Variants in ZNF106 observed in about 807,000 individuals in gnomAD.
ZNF106 encodes zinc finger protein 106.
A neutral mutation model predicts 195.1 loss-of-function variants in ZNF106; 67 were observed. The observed-to-expected ratio is 0.34, with a 90% CI of 0.28 to 0.42. ZNF106 has a LOEUF of 0.42. ZNF106 is among the 10% of genes least tolerant of loss of function. The pLI is 1.00. For missense variants in ZNF106, 2,118 were observed against 2,304.5 expected (o/e 0.92, Z 1.66); for synonymous variants, 784 against 818.6 (o/e 0.96, Z 0.72).
rs1037638209 is a variant in ZNF106 at position 42,449,812 on chromosome 15, T to C, written c.2460A>G (p.Gln820=). The C allele has an allele frequency of 1.2e-6, 2 of 1,614,198 alleles. No homozygotes were observed. The highest frequency in any genetic ancestry group is 2.2e-5 in the East Asian group (1 of 44,884). ...RNVNWEQVIQ[Q]VTKKKQELGK... Reference sequence around the variant, plus strand: ...CCAGCTCTTGCTTTTTCTTGGTTACTTGCTGAATGACCTGTTCCCAGTTGA... The same window carrying C: ...CCAGCTCTTGCTTTTTCTTGGTTACCTGCTGAATGACCTGTTCCCAGTTGA... Residue 820 remains glutamine (Q), a synonymous_variant, in exon 5 of 22, where the codon CAA becomes CAG. Coordinates refer to ENST00000564754, the MANE Select transcript of ZNF106 (RefSeq NM_001366845.3).
chr15:42,468,105 T>G (rs1003604519), intron 2 of ZNF106, among the ~76,000 whole-genome samples: 6 of 138,560 alleles, frequency 4.3e-5, no homozygotes, highest in African/African-American at 1.7e-4. Context: ...AGACGGAGTC[T>G]CGCTCTATCG....
At chr15:42,427,589 T>C (rs1422523193) in intron 15 of ZNF106, 1 of 155,232 alleles carries the variant, frequency 6.4e-6, no homozygotes, top group Non-Finnish European at 1.4e-5. Context: ...CTTCATTTTT[T>C]TTAAAATATG....
Position 42,449,963 on chromosome 15 carries a change from G to A in ZNF106, c.2309C>T (p.Pro770Leu). The A allele has an allele frequency of 6.2e-7, 1 of 1,614,180 alleles. No individual in the cohort carries two copies. Among genetic ancestry groups the A allele is most frequent in the Non-Finnish European group, 8.5e-7 (1 of 1,180,026 alleles). ...GCGGGCACTATTGAGGTTTGGCTCA[G>A]GAAGGTGTACTCCAGTTTTGCTCTT... ...SLKSKTGVHL[P>L]EPNLNSARRI... is the part of the protein sequence containing the mutation. Residue 770 changes from proline to leucine, a missense_variant, in exon 5 of 22, where the codon CCT becomes CTT. Coordinates refer to ENST00000564754, the MANE Select transcript of ZNF106 (RefSeq NM_001366845.3).
At chr15:42,467,280 T>C (rs2056542496) in intron 2 of ZNF106, among the ~76,000 whole-genome samples, 1 of 152,194 alleles carries the variant, frequency 6.6e-6, no homozygotes. Flanking sequence ...TATATAATAA[T>C]AAAGGGCTAC....
At chr15:42,455,813 A>C (rs923753316) in intron 4 of ZNF106, among the ~76,000 whole-genome samples, 2 of 152,216 alleles carry the variant, frequency 1.3e-5, no homozygotes, top group Non-Finnish European at 2.9e-5. Flanking sequence ...TTAGAATCTG[A>C]AATGATTCTC....
rs541354564 is a variant in ZNF106, at chr15:42,481,978, G to T, written c.-33+9002C>A. Among the ~76,000 whole-genome samples the T allele has an allele frequency of 1.2e-4, 19 of 152,056 alleles. No individual in the cohort carries two copies. In the South Asian group the frequency reaches 3.7e-3, roughly 30 times the overall value. On this transcript the variant is annotated intron_variant, in intron 1 of 21. Coordinates refer to ENST00000564754, the MANE Select transcript of ZNF106 (RefSeq NM_001366845.3). ...CCCAGATTTCAATTAAATGTGCTAG[G>T]TTTTTAAAATATTGATCCCAGGTCA... is the stretch of plus-strand genomic sequence containing the variant.
intron 17 of ZNF106, among the ~76,000 whole-genome samples, chr15:42,423,109 T>C (rs993137904): frequency 2.0e-5 from 3 of 152,082 alleles, no homozygotes; most frequent in African/African-American, 7.2e-5. Context: ...GGCTCACACC[T>C]ATAATTCCAA....
intron 20 of ZNF106, 27 bp downstream of exon 20, chr15:42,421,034 A>T: frequency 6.2e-7 from 1 of 1,609,804 alleles, no homozygotes. Flanking sequence ...ATAGAAGTCC[A>T]GTGACAGGAA....
chr15:42,440,995 AAAAATATATATATATATATATATAT>A lies in ZNF106; in HGVS notation c.3763+1053_3763+1077del, dbSNP rs1367847914. 6.5e-4 allele frequency among the ~76,000 whole-genome samples: 34 copies of A among 52,062 alleles called. 2 individuals are homozygous for A. Among genetic ancestry groups the A allele is most frequent in the African/African-American group, 1.0e-3 (7 of 6,960 alleles). The allele number at this position is 52,062 out of a possible 152,430, so 34.2% of individuals were successfully genotyped here. On this transcript the variant is annotated intron_variant, in intron 10 of 21. Coordinates refer to ENST00000564754, the MANE Select transcript of ZNF106 (RefSeq NM_001366845.3). Reference sequence around the variant, plus strand: ...GCGAAACTCTGTCTAAAAAAAAAAAAAAAATATATATATATATATATATATATATATATATATATATATATATATA... The same window carrying A: ...GCGAAACTCTGTCTAAAAAAAAAAAAATATATATATATATATATATATATA...
At chr15:42,478,032 T>A (rs1051029417) in intron 1 of ZNF106, among the ~76,000 whole-genome samples, 23 of 151,766 alleles carry the variant, frequency 1.5e-4, no homozygotes, top group East Asian at 1.9e-4. Context: ...CAGGCTGGAG[T>A]GCAGTGGTGC....
chr15:42,467,514 G>A (rs950564806), intron 2 of ZNF106, among the ~76,000 whole-genome samples: 14 of 152,122 alleles, frequency 9.2e-5, no homozygotes, highest in African/African-American at 2.7e-4. Flanking sequence ...AGTCTTGGCC[G>A]GGCACAGTGG....
chr15:42,433,084 C>A (rs548887935), intron 14 of ZNF106, among the ~76,000 whole-genome samples: 46 of 152,154 alleles, frequency 3.0e-4, no homozygotes, highest in African/African-American at 1.0e-3. Flanking sequence ...TCTACCTTCT[C>A]TTGTATTAAG....
chr15:42,424,945 T>G lies in ZNF106; in HGVS notation c.5079A>C (p.Arg1693=), dbSNP rs189278876. Residue 1693 remains arginine, a synonymous_variant, in exon 16 of 22, where the codon CGA becomes CGC. Transcript: ENST00000564754. ...SCLATAQEGA[R]KLLVVGSYDC... ...CATAAGACCCCACGACCAGCAGTTT[T>G]CGGGCACCTTCCTGAGCTGTAGCAA... 8 of 1,614,192 alleles carry G rather than the reference T, an allele frequency of 5.0e-6. No homozygotes were observed. In the East Asian group the frequency reaches 1.3e-4, roughly 27 times the overall value.
intron 19 of ZNF106, 149 bp downstream of exon 19, chr15:42,421,768 G>T: frequency 1.9e-6 from 1 of 522,400 alleles, no homozygotes; most frequent in Non-Finnish European, 3.3e-6. Flanking sequence ...ATTCAACACT[G>T]TCCCCTGGTT....
intron 12 of ZNF106, among the ~76,000 whole-genome samples, 165 bp downstream of exon 12, chr15:42,438,447 G>T (rs1353651568): frequency 1.3e-5 from 2 of 152,092 alleles, no homozygotes; most frequent in East Asian, 3.9e-4. Context: ...AGGATTTGAG[G>T]TTTTAAGAAT....
chr15:42,451,938 T>C lies in ZNF106; in HGVS notation c.334A>G (p.Asn112Asp), dbSNP rs2056047948. The stretch of plus-strand genomic sequence containing the variant: ...TCAGAGTTTATTTCTTGGTTGCTAT[T>C]GGAAGGTTCATCTTGTCTGGAAGAA... ...KEQSRQDEPS[N>D]SNQEINSDDR... is the part of the protein sequence containing the mutation. The change falls in exon 5 of 22, where the codon AAT becomes GAT. Residue 112 changes from asparagine to aspartate, a missense_variant. Asn to Asp is a conservative substitution (Grantham distance 23). Coordinates refer to ENST00000564754, the MANE Select transcript of ZNF106 (RefSeq NM_001366845.3). The C allele has an allele frequency of 1.2e-6, 2 of 1,610,068 alleles. No individual in the cohort carries two copies. Among genetic ancestry groups the C allele is most frequent in the African/African-American group, 2.7e-5 (2 of 74,782 alleles).
At chr15:42,457,628 A>G (rs902227215) in intron 3 of ZNF106, 4 of 765,156 alleles carry the variant, frequency 5.2e-6, no homozygotes, top group Non-Finnish European at 6.4e-6. Context: ...TGGCGCAGCC[A>G]ATCCCAAGTC....
Position 42,467,681 on chromosome 15 carries a change from G to A in ZNF106, c.55-1567C>T, listed in dbSNP as rs946488108. Reference sequence around the variant, plus strand: ...ACCACTAACTGGGCTGGTGGTGAACGCCTGTAATCCCAGCTACTTGGGAGG... The same window carrying A: ...ACCACTAACTGGGCTGGTGGTGAACACCTGTAATCCCAGCTACTTGGGAGG... On this transcript the variant is annotated intron_variant, in intron 2 of 21. Transcript: ENST00000564754. 8.5e-5 allele frequency among the ~76,000 whole-genome samples: 13 copies of A among 152,056 alleles called. 1 individual carries two copies. Among genetic ancestry groups the A allele is most frequent in the Admixed American group, 3.9e-4 (6 of 15,270 alleles).
intron 1 of ZNF106, among the ~76,000 whole-genome samples, chr15:42,477,899 CA>C (rs112291423): frequency 6.8e-6 from 1 of 147,562 alleles, no homozygotes; most frequent in Non-Finnish European, 1.5e-5. Context: ...TCAAAAAAAA[CA>C]AAAAAAAACA....
Sources: gnomAD v4.1 joint callset for allele counts (sites outside exome capture counted in the v4.1 genomes callset) on GRCh38, gnomAD v4.1.1 for gene constraint, MANE v1.5 for transcripts, NCBI Gene and HGNC (gene_info 2026-07-23, HGNC 2026-07-21) for gene names.